The following MTFR2 variants were observed in gnomAD, a reference collection of about 807,000 sequenced individuals.
MTFR2 encodes mitochondrial fission regulator 2.
A neutral mutation model predicts 41.2 loss-of-function variants in MTFR2; 44 were observed. The observed-to-expected ratio is 1.07, with a 90% confidence interval of 0.84 to 1.37. The LOEUF is 1.37. MTFR2 is among the 40% of genes most tolerant of loss of function. The probability of loss-of-function intolerance (pLI) is 0.00; values close to 1 mark genes in which losing one functional copy is unlikely to be tolerated. For synonymous variants in MTFR2, 141 were observed against 154.6 expected (o/e 0.91, Z 0.65); for missense variants, 452 against 459.5 (o/e 0.98, Z 0.15).
chr6:136,240,907 C>A (rs547192089), intron 5 of MTFR2, among the ~76,000 whole-genome samples: 48 of 152,176 alleles, frequency 3.2e-4, no homozygotes, highest in Admixed American at 1.4e-3. Flanking sequence ...CTGGCTAACA[C>A]GGTGAAACCC....
intron 6 of MTFR2, among the ~76,000 whole-genome samples, chr6:136,235,718 G>A (rs966133723): frequency 4.6e-5 from 7 of 152,176 alleles, no homozygotes; most frequent in Admixed American, 6.5e-5. Flanking sequence ...CGGATCATGC[G>A]GTCAAGAGAT....
intron 2 of MTFR2, among the ~76,000 whole-genome samples, chr6:136,246,258 C>T (rs1780208816): frequency 6.6e-6 from 1 of 151,918 alleles, no homozygotes; most frequent in Admixed American, 6.6e-5. Context: ...CCATCTTCAC[C>T]ATTTTCGTTG....
Position 136,244,880 on chromosome 6 carries a change from C to G in MTFR2, c.64-11G>C. ...CCAAATCAGCAAAACCTATTTTAAA[C>G]ATAAAGTATGAATTAAAATGCACTC... On this transcript the variant is annotated splice_polypyrimidine_tract_variant and intron_variant, in intron 2 of 7. Transcript: ENST00000420702. 1 of 1,563,480 alleles carries G rather than the reference C, an allele frequency of 6.4e-7. No homozygotes were observed. The highest frequency in any genetic ancestry group is 2.3e-5 in the East Asian group (1 of 43,998).
At chr6:136,247,049 C>T (rs9494494) in intron 2 of MTFR2, among the ~76,000 whole-genome samples, 7,659 of 152,186 alleles carry the variant, frequency 0.05, 670 homozygotes, top group African/African-American at 0.17. Flanking sequence ...TACTTAGCTC[C>T]ATTCAAAATC....
At chr6:136,240,823 G>C (rs778581446) in intron 5 of MTFR2, among the ~76,000 whole-genome samples, 1 of 151,990 alleles carries the variant, frequency 6.6e-6, no homozygotes, top group East Asian at 1.9e-4. Flanking sequence ...CGGGCGCGGT[G>C]GCTCACGCCT....
intron 1 of MTFR2, 150 bp from the exon 2 acceptor site, chr6:136,249,303 G>T: frequency 2.0e-6 from 1 of 511,016 alleles, no homozygotes; most frequent in Non-Finnish European, 3.4e-6. Flanking sequence ...AAAGGAAGGG[G>T]AAGTCTGGGG....
chr6:136,242,884 TTCA>T lies in MTFR2; in HGVS notation c.255_257del (p.Asp85del), dbSNP rs1780116501. ...ACCGAAATCTGAGATAACTGGCTTCTTCATCATTTGCCACATACAAAATATCAG... is the reference window on the plus strand; with the variant it reads ...ACCGAAATCTGAGATAACTGGCTTCTTCATTTGCCACATACAAAATATCAG... On this transcript the variant is annotated inframe_deletion, in exon 4 of 8. Transcript: ENST00000420702. 6.2e-7 allele frequency: 1 copy of T among 1,612,902 alleles called. No homozygotes were observed. The highest frequency in any genetic ancestry group is 1.1e-5 in the South Asian group (1 of 90,874).
At chr6:136,236,931 G>A (rs1401338474) in intron 6 of MTFR2, among the ~76,000 whole-genome samples, 1 of 152,200 alleles carries the variant, frequency 6.6e-6, no homozygotes, top group Non-Finnish European at 1.5e-5. Flanking sequence ...GATTAGAAGG[G>A]GAGACAGGAG....
At chr6:136,237,191 G>A (rs1180882157) in intron 6 of MTFR2, among the ~76,000 whole-genome samples, 1 of 152,158 alleles carries the variant, frequency 6.6e-6, no homozygotes. Context: ...TACAGCTCTG[G>A]GGTGTGGCCA....
rs1409639395 is a variant in MTFR2, at chr6:136,231,283, T to C, written c.1150A>G (p.Arg384Gly). Residue 384 changes from arginine (R) to glycine (G), a missense_variant, in exon 8 of 8, where the codon AGG becomes GGG. Coordinates refer to ENST00000420702, the MANE Select transcript of MTFR2 (RefSeq NM_001099286.3). ...GISNTSLLNS[R>G]I ...TCAACCTTAAGTTGAGTTTAAATCCTTGAGTTTAGAAGGCTTGTGTTGCTG... is the reference window on the plus strand; with the variant it reads ...TCAACCTTAAGTTGAGTTTAAATCCCTGAGTTTAGAAGGCTTGTGTTGCTG... The C allele has an allele frequency of 1.1e-5, 17 of 1,606,056 alleles. No homozygotes were observed. The highest frequency in any genetic ancestry group is 1.4e-5 in the Non-Finnish European group (17 of 1,175,326).
chr6:136,238,949 T>C (rs927514580), intron 6 of MTFR2, among the ~76,000 whole-genome samples: 1 of 151,998 alleles, frequency 6.6e-6, no homozygotes, highest in Non-Finnish European at 1.5e-5. Flanking sequence ...ATGCCTATAG[T>C]CCCAGCTACT....
chr6:136,231,298 T>A lies in MTFR2; in HGVS notation c.1135A>T (p.Ser379Cys). Residue 379 changes from serine to cysteine, a missense_variant, in exon 8 of 8, where the codon AGC becomes TGC. Coordinates refer to ENST00000420702, the MANE Select transcript of MTFR2 (RefSeq NM_001099286.3). ...KAVDQGISNT[S>C]LLNSRI Reference sequence around the variant, plus strand: ...GTTTAAATCCTTGAGTTTAGAAGGCTTGTGTTGCTGATACCTTGGTCAACA... The same window carrying A: ...GTTTAAATCCTTGAGTTTAGAAGGCATGTGTTGCTGATACCTTGGTCAACA... 1 of 1,612,058 alleles carries A rather than the reference T, an allele frequency of 6.2e-7. No homozygotes were observed. The highest frequency in any genetic ancestry group is 8.5e-7 in the Non-Finnish European group (1 of 1,178,970).
Position 136,239,688 on chromosome 6 carries a change from G to A in MTFR2, c.647C>T (p.Pro216Leu), listed in dbSNP as rs1374661412. 4 of 1,613,890 alleles carry A rather than the reference G, an allele frequency of 2.5e-6. No homozygotes were observed. The highest frequency in any genetic ancestry group is 1.3e-5 in the African/African-American group (1 of 74,888). Residue 216 changes from proline (P) to leucine (L), a missense_variant, in exon 6 of 8, where the codon CCT becomes CTT. Transcript: ENST00000420702. ...LSPPPPPPLP[P>L]QFSSLQPPCF... is the part of the protein sequence containing the mutation. The stretch of plus-strand genomic sequence containing the variant: ...CGGTGGCTGGAGAGATGAAAACTGA[G>A]GAGGAAGTGGTGGAGGAGGAGGAGG...
chr6:136,247,291 A>G (rs55815655), intron 2 of MTFR2, among the ~76,000 whole-genome samples: 2,163 of 152,216 alleles, frequency 0.014, 40 homozygotes, highest in African/African-American at 0.047. Flanking sequence ...CAGAGGTTGC[A>G]GTGAGCCAAG....
At chr6:136,234,486 C>A (rs1010041779) in intron 6 of MTFR2, among the ~76,000 whole-genome samples, 1 of 152,012 alleles carries the variant, frequency 6.6e-6, no homozygotes, top group Non-Finnish European at 1.5e-5. Context: ...CAGGAAGGAG[C>A]TTGGCATGTG....
intron 4 of MTFR2, among the ~76,000 whole-genome samples, chr6:136,241,949 G>A (rs555784190): frequency 1.3e-5 from 2 of 151,676 alleles, no homozygotes; most frequent in African/African-American, 4.8e-5. Context: ...GTGTGATGAC[G>A]TGCCCCTGTA....
chr6:136,242,835 T>C (rs988723624), intron 4 of MTFR2, 26 bp downstream of exon 4: 4 of 1,559,852 alleles, frequency 2.6e-6, no homozygotes, highest in South Asian at 1.1e-5. Flanking sequence ...TATAGCCCAC[T>C]TCCCAAGATA....
In MTFR2 at chr6:136,231,340, T is replaced by C. The variant is rs1219023669; in HGVS notation, c.1093A>G (p.Met365Val). The C allele has an allele frequency of 2.5e-6, 4 of 1,612,786 alleles. No homozygotes were observed. The highest frequency in any genetic ancestry group is 4.5e-5 in the East Asian group (2 of 44,848). ...TGGTCAACAGCTTTTGTGTTGACCA[T>C]TTCTTCTTTAGTTCGCTGTCCTTCT... Reference protein sequence around the residue: ...QSEGQRTKEEMVNTKAVDQGI... With the variant: ...QSEGQRTKEEVVNTKAVDQGI... The change falls in exon 8 of 8, where the codon ATG becomes GTG. Residue 365 changes from methionine (M) to valine (V), a missense_variant. Transcript: ENST00000420702.
At chr6:136,249,871 G>C (rs1780318341) in intron 1 of MTFR2, 105 bp downstream of exon 1, 1 of 152,176 alleles carries the variant, frequency 6.6e-6, no homozygotes, top group Non-Finnish European at 1.5e-5. Flanking sequence ...GACGTGACTT[G>C]GTCACCCATC....
Sources: allele counts gnomAD v4.1 joint callset (sites outside exome capture counted in the v4.1 genomes callset), GRCh38; gene constraint gnomAD v4.1.1; transcripts MANE v1.5; gene names NCBI Gene and HGNC (gene_info 2026-07-23, HGNC 2026-07-21).